XXYLT1: variants seen among roughly 807,000 people sequenced by gnomAD.
XXYLT1 encodes the protein UDP-xylose:alpha-xyloside alpha-1,3-xylosyltransferase.
In XXYLT1, 20 loss-of-function variants were observed where a neutral mutation model predicts 28.9. The ratio of observed to expected loss-of-function variants is 0.69; its 90% CI spans 0.49 to 1.00. XXYLT1 has a LOEUF of 1.00. Ranked by LOEUF, XXYLT1 falls within the 50% of genes least tolerant of loss-of-function variation. The pLI, the probability that XXYLT1 is intolerant of heterozygous loss-of-function variation, is 0.00. For missense variants in XXYLT1, 542 were observed against 560.1 expected, an observed-to-expected ratio of 0.97 and a Z score of 0.33; for synonymous variants, 257 against 253.8, an observed-to-expected ratio of 1.01 and a Z score of -0.12.
intron 3 of XXYLT1, among the ~76,000 whole-genome samples, chr3:195,138,235 T>G (rs945672482): frequency 6.6e-6 from 1 of 152,218 alleles, no homozygotes; most frequent in African/African-American, 2.4e-5. Context: ...CATGCCATCA[T>G]TTGAAAATAA....
intron 2 of XXYLT1, among the ~76,000 whole-genome samples, chr3:195,197,848 T>C (rs1383813039): frequency 6.6e-6 from 1 of 152,180 alleles, no homozygotes. Context: ...GTCTCACACA[T>C]TCCCCTCTAG....
intron 3 of XXYLT1, among the ~76,000 whole-genome samples, chr3:195,086,799 T>TA (rs1447864944): frequency 2.0e-5 from 3 of 152,026 alleles, no homozygotes; most frequent in African/African-American, 7.2e-5. Context: ...GGTGTATGAC[T>TA]AGCTCTAAGA....
intron 3 of XXYLT1, among the ~76,000 whole-genome samples, chr3:195,100,153 T>C (rs1716697485): frequency 6.6e-6 from 1 of 152,058 alleles, no homozygotes; most frequent in African/African-American, 2.4e-5. Flanking sequence ...CCACCACCGT[T>C]CCCCCTGCTT....
In XXYLT1 at chr3:195,226,767, G is replaced by A. The variant is rs1724072926; in HGVS notation, c.594C>T (p.Thr198=). 1.2e-6 allele frequency: 2 copies of A among 1,613,882 alleles called. No homozygotes were observed. The highest frequency in any genetic ancestry group is 1.7e-6 in the Non-Finnish European group (2 of 1,179,974). The part of the protein sequence containing the change: ...MQKHFSAGLG[T]YYSDSIFFLS... Reference sequence around the variant, plus strand: ...GGAAGAAGATGGAGTCACTGTAGTAGGTTCCCAAGCCAGCACTGAAGTGCT... The same window carrying A: ...GGAAGAAGATGGAGTCACTGTAGTAAGTTCCCAAGCCAGCACTGAAGTGCT... Residue 198 remains threonine, a synonymous_variant, in exon 2 of 4, where the codon ACC becomes ACT. Transcript: ENST00000310380.
intron 3 of XXYLT1, among the ~76,000 whole-genome samples, chr3:195,141,584 A>C (rs1719492661): frequency 6.6e-6 from 1 of 152,200 alleles, no homozygotes; most frequent in South Asian, 2.1e-4. Flanking sequence ...TCAGGTGGCA[A>C]GTTTATGCCA....
At chr3:195,221,379 A>G (rs1487371215) in intron 2 of XXYLT1, among the ~76,000 whole-genome samples, 1 of 152,254 alleles carries the variant, frequency 6.6e-6, no homozygotes, top group Non-Finnish European at 1.5e-5. Flanking sequence ...ATGAAGCAGC[A>G]GCCCAGCAAA....
chr3:195,156,657 G>A (rs1042102680), intron 2 of XXYLT1, 76 bp from the exon 3 acceptor site: 24 of 1,564,302 alleles, frequency 1.5e-5, no homozygotes, highest in Admixed American at 9.1e-5. Context: ...AAAATGAAGT[G>A]GAGGGCAGAG....
chr3:195,204,575 G>A (rs1166869602), intron 2 of XXYLT1, among the ~76,000 whole-genome samples: 1 of 152,038 alleles, frequency 6.6e-6, no homozygotes, highest in Non-Finnish European at 1.5e-5. Context: ...GAATGACAAG[G>A]TGGCCCAGAA....
intron 2 of XXYLT1, among the ~76,000 whole-genome samples, chr3:195,166,654 A>G (rs775878115): frequency 3.3e-5 from 5 of 152,012 alleles, no homozygotes; most frequent in African/African-American, 4.8e-5. Flanking sequence ...ACTTAGGACA[A>G]TTTGGGGAAT....
At chr3:195,247,286 C>A (rs1387981035) in intron 1 of XXYLT1, among the ~76,000 whole-genome samples, 1 of 152,172 alleles carries the variant, frequency 6.6e-6, no homozygotes, top group Non-Finnish European at 1.5e-5. Flanking sequence ...ACGTATTCAC[C>A]AAGCCGAGCG....
chr3:195,101,805 A>C (rs979111906), intron 3 of XXYLT1, among the ~76,000 whole-genome samples: 1 of 150,950 alleles, frequency 6.6e-6, no homozygotes, highest in African/African-American at 2.4e-5. Flanking sequence ...TATTGAAAAA[A>C]AAAGGGGAGA....
chr3:195,231,366 G>A (rs1424999894), intron 1 of XXYLT1, among the ~76,000 whole-genome samples: 1 of 151,958 alleles, frequency 6.6e-6, no homozygotes, highest in Non-Finnish European at 1.5e-5. Flanking sequence ...TTCCCATTTG[G>A]ATAGGCTTTA....
At chr3:195,162,994 G>T (rs61638950) in intron 2 of XXYLT1, among the ~76,000 whole-genome samples, 25,823 of 151,114 alleles carry the variant, frequency 0.17, 2,896 homozygotes, top group East Asian at 0.4. Context: ...TAAGTTTTTG[G>T]TTTTTTTTTG....
Position 195,180,258 on chromosome 3 carries a change from G to GGCACACTC in XXYLT1, c.653-23685_653-23678dup, listed in dbSNP as rs1721885046. 1 of 942,896 alleles carries GGCACACTC rather than the reference G, an allele frequency of 1.1e-6. No homozygotes were observed. Among genetic ancestry groups the GGCACACTC allele is most frequent in the Non-Finnish European group, 1.3e-6 (1 of 791,332 alleles). The allele number at this position is 942,896 out of a possible 1,614,324, so 58.4% of individuals were successfully genotyped here. A position where few individuals can be genotyped will look rare whatever the true frequency, so the allele number is the denominator to read the frequency against. The stretch of plus-strand genomic sequence containing the variant: ...TGCACTGACACCGGGGGTGGTGAGT[G>GGCACACTC]GCACACTCGGTCCCCCAGTTACAGG... On this transcript the variant is annotated intron_variant, in intron 2 of 3. Coordinates refer to ENST00000310380, the MANE Select transcript of XXYLT1 (RefSeq NM_152531.5). This position sits in a 1 kb window ranked among gnomAD's most constrained non-coding sequence, Gnocchi z 5.8.
intron 1 of XXYLT1, among the ~76,000 whole-genome samples, chr3:195,243,645 A>ATCATTC (rs11283190): frequency 0.14 from 21,707 of 152,054 alleles, 3,443 homozygotes; most frequent in African/African-American, 0.39. Context: ...TGAAGACACT[A>ATCATTC]TCAGTGGCTG....
At chr3:195,109,390 G>A (rs1164323755) in intron 3 of XXYLT1, among the ~76,000 whole-genome samples, 1 of 73,628 alleles carries the variant, frequency 1.4e-5, no homozygotes, top group Non-Finnish European at 3.0e-5. Flanking sequence ...GTGTATAAGT[G>A]TGCATGTATG....
rs148142199 is a variant in XXYLT1, at chr3:195,115,944, G to A, written c.785+40505C>T. Among the ~76,000 whole-genome samples the A allele has an allele frequency of 8.4e-4, 128 of 152,334 alleles. No individual in the cohort carries two copies. In the East Asian group the frequency reaches 0.024, roughly 28 times the overall value. On this transcript the variant is annotated intron_variant, in intron 3 of 3. Transcript: ENST00000310380. The surrounding 1 kb of genome is among the most constrained non-coding windows in gnomAD (Gnocchi z 4.2). ...TGATAAGGAGCTGGGCCGCTCAGGA[G>A]ATGGCAGGAAACTCAAGTCAGGCAG...
chr3:195,157,802 CG>C (rs543591035), intron 2 of XXYLT1, among the ~76,000 whole-genome samples: 132 of 152,316 alleles, frequency 8.7e-4, no homozygotes, highest in South Asian at 1.7e-3. Context: ...TCCTGGTACC[CG>C]GCCTGGGAAT....
chr3:195,158,838 T>A (rs575513067), intron 2 of XXYLT1, among the ~76,000 whole-genome samples: 2 of 152,296 alleles, frequency 1.3e-5, no homozygotes, highest in South Asian at 4.1e-4. Context: ...GAAAGATGCT[T>A]ACTAGGAATG....
Sources: gnomAD v4.1 joint callset for allele counts (sites outside exome capture counted in the v4.1 genomes callset) on GRCh38, gnomAD v4.1.1 for gene constraint, Gnocchi (gnomAD v3.1) non-coding constraint, MANE v1.5 for transcripts, NCBI Gene and HGNC (gene_info 2026-07-23, HGNC 2026-07-21) for gene names.